The following CDH4 variants were observed in gnomAD, a reference collection of about 807,000 sequenced individuals.
CDH4 encodes cadherin 4, also known as cadherin-4.
CDH4 carries 33 observed loss-of-function variants against 86.0 expected under a neutral mutation model. The observed-to-expected ratio is 0.38, with a 90% CI of 0.29 to 0.51. CDH4 has a LOEUF of 0.51. Among genes scored for constraint, CDH4 ranks in the 20% least tolerant of loss-of-function variants. The pLI is 0.86. For synonymous variants in CDH4, 555 were observed against 549.4 expected (o/e 1.01, Z -0.14); for missense variants, 1,114 against 1,307.4 (o/e 0.85, Z 2.28).
chr20:61,700,609 G>A (rs374961995), intron 2 of CDH4, among the ~76,000 whole-genome samples: 7 of 152,152 alleles, frequency 4.6e-5, no homozygotes, highest in East Asian at 3.9e-4. Context: ...ATGTCACCCC[G>A]TACGGCCTCA....
At chr20:61,614,695 GAAA>G (rs1024354488) in intron 2 of CDH4, among the ~76,000 whole-genome samples, 7 of 152,094 alleles carry the variant, frequency 4.6e-5, no homozygotes, top group African/African-American at 1.7e-4. Context: ...GAGAATGTAA[GAAA>G]AAAGCAAGGG....
chr20:61,629,922 C>T (rs759684486), intron 2 of CDH4, among the ~76,000 whole-genome samples: 5 of 152,196 alleles, frequency 3.3e-5, no homozygotes, highest in African/African-American at 4.8e-5. Flanking sequence ...TCCCCTGTGA[C>T]TCAGCGCAAG....
In CDH4 at chr20:61,510,929, A is replaced by G. The variant is rs1484692183; in HGVS notation, c.170-232634A>G. ...GGGGTGGGGACAGACATGTCACAAA[A>G]TGAAAGCAGGAGTGAGAGAGAGAGA... On this transcript the variant is annotated intron_variant, in intron 2 of 15. Coordinates refer to ENST00000614565, the MANE Select transcript of CDH4 (RefSeq NM_001794.5). The surrounding 1 kb of genome is among the most constrained non-coding windows in gnomAD (Gnocchi z 4.2). Among the ~76,000 whole-genome samples, 1 of 151,988 alleles carries G rather than the reference A, an allele frequency of 6.6e-6. No individual in the cohort carries two copies. Among genetic ancestry groups the G allele is most frequent in the Non-Finnish European group, 1.5e-5 (1 of 67,986 alleles).
At position 61,676,839 on chromosome 20, in the gene CDH4, TCAGGGGAGGCCTGGCTGGGTGGCCTTTGC is replaced by T. The variant is rs1260726736; in HGVS notation, c.170-66710_170-66682del. ...GGGGTTGCTGTTGTCCAAGGGGAGG[TCAGGGGAGGCCTGGCTGGGTGGCCTTTGC>T]CAGGGGAGGCCTGACTGGGTGGCCT... On this transcript the variant is annotated intron_variant, in intron 2 of 15. Coordinates refer to ENST00000614565, the MANE Select transcript of CDH4 (RefSeq NM_001794.5). The surrounding 1 kb of genome is among the most constrained non-coding windows in gnomAD (Gnocchi z 4.5). Among the ~76,000 whole-genome samples, 4 of 150,608 alleles carry T rather than the reference TCAGGGGAGGCCTGGCTGGGTGGCCTTTGC, an allele frequency of 2.7e-5. No homozygotes were observed. Among genetic ancestry groups the T allele is most frequent in the Non-Finnish European group, 4.4e-5 (3 of 67,458 alleles).
rs1244882283 is a variant in CDH4, at chr20:61,432,893, C to A, written c.169+177956C>A. ...TTGCTCTGTTGCCCAGGCTAGAGTG[C>A]AATGGTGTGATCTCGGATCACTGCA... On this transcript the variant is annotated intron_variant, in intron 2 of 15. Transcript: ENST00000614565. Among the ~76,000 whole-genome samples the A allele has an allele frequency of 1.5e-4, 21 of 139,566 alleles. No individual in the cohort carries two copies. The Admixed American group carries it at 1.7e-3, about 11-fold the overall frequency. 91.6% of individuals were successfully genotyped at this position (139,566 alleles called of 152,430 possible).
intron 2 of CDH4, among the ~76,000 whole-genome samples, chr20:61,366,944 G>T (rs889129306): frequency 5.3e-5 from 8 of 152,058 alleles, no homozygotes; most frequent in Non-Finnish European, 8.8e-5. Context: ...TCATAGCCCT[G>T]GACAACTGGA....
At chr20:61,289,489 A>G (rs1419728125) in intron 2 of CDH4, among the ~76,000 whole-genome samples, 1 of 152,200 alleles carries the variant, frequency 6.6e-6, no homozygotes, top group African/African-American at 2.4e-5. Context: ...GCCAGCCTGC[A>G]GTGCTGTGGG....
At chr20:61,563,541 C>T (rs1318630737) in intron 2 of CDH4, among the ~76,000 whole-genome samples, 2 of 152,200 alleles carry the variant, frequency 1.3e-5, no homozygotes, top group Non-Finnish European at 2.9e-5. Flanking sequence ...GCTGCTGCTC[C>T]AGGGGCTGCC....
chr20:61,662,903 T>C (rs115749282), intron 2 of CDH4, among the ~76,000 whole-genome samples: 2 of 151,774 alleles, frequency 1.3e-5, no homozygotes, highest in Non-Finnish European at 2.9e-5. Flanking sequence ...GGGACACAGG[T>C]CCAGCAGAGG....
chr20:61,763,462 A>G (rs1365001605), intron 3 of CDH4, among the ~76,000 whole-genome samples: 1 of 152,210 alleles, frequency 6.6e-6, no homozygotes, highest in Non-Finnish European at 1.5e-5. Flanking sequence ...TGGCTACGGC[A>G]CTGCGGAGCC....
intron 4 of CDH4, among the ~76,000 whole-genome samples, chr20:61,804,181 G>A (rs939831405): frequency 6.6e-5 from 10 of 152,258 alleles, no homozygotes; most frequent in Admixed American, 2.0e-4. Flanking sequence ...CGGCCTGAGA[G>A]CCGCCCGAAC....
chr20:61,877,167 C>G (rs1466610078), intron 7 of CDH4, among the ~76,000 whole-genome samples: 1 of 152,158 alleles, frequency 6.6e-6, no homozygotes, highest in Non-Finnish European at 1.5e-5. Context: ...GCTCAGCTCC[C>G]CCTGCCCCTA....
intron 2 of CDH4, among the ~76,000 whole-genome samples, chr20:61,552,070 G>A (rs918822968): frequency 2.0e-5 from 3 of 152,298 alleles, no homozygotes; most frequent in South Asian, 2.1e-4. Flanking sequence ...CCCTGGATTA[G>A]GCAGTGATTT....
intron 2 of CDH4, among the ~76,000 whole-genome samples, chr20:61,378,332 G>A (rs1363145313): frequency 1.3e-5 from 2 of 152,142 alleles, no homozygotes; most frequent in African/African-American, 4.8e-5. Flanking sequence ...GGTTCCTGGG[G>A]CTGCTGTGGT....
At chr20:61,536,764 C>T (rs2086000387) in intron 2 of CDH4, among the ~76,000 whole-genome samples, 1 of 152,202 alleles carries the variant, frequency 6.6e-6, no homozygotes, top group Non-Finnish European at 1.5e-5. Flanking sequence ...GGGAGCAGTG[C>T]CCTGGCATCT....
chr20:61,354,712 G>A (rs2084736873), intron 2 of CDH4, among the ~76,000 whole-genome samples: 1 of 152,210 alleles, frequency 6.6e-6, no homozygotes, highest in Non-Finnish European at 1.5e-5. Context: ...CACATTGCTC[G>A]GCCAAGGTTT....
At chr20:61,801,628 C>G (rs1979834728) in intron 4 of CDH4, among the ~76,000 whole-genome samples, 1 of 152,166 alleles carries the variant, frequency 6.6e-6, no homozygotes, top group African/African-American at 2.4e-5. Context: ...GCCATGCTCC[C>G]ACTGGAGGCC....
In CDH4 at chr20:61,801,144, C is replaced by T. The variant is rs1449736678; in HGVS notation, c.576+27962C>T. 5.9e-5 allele frequency among the ~76,000 whole-genome samples: 9 copies of T among 152,196 alleles called. No homozygotes were observed. The East Asian group carries it at 1.7e-3, about 29-fold the overall frequency. ...CCACAGCACCGGGGCTCCTGCCTCC[C>T]GTTGGGAGGTGTTGAGGGCTTGGGG... is the stretch of plus-strand genomic sequence containing the variant. On this transcript the variant is annotated intron_variant, in intron 4 of 15. Coordinates refer to ENST00000614565, the MANE Select transcript of CDH4 (RefSeq NM_001794.5).
chr20:61,736,616 A>C (rs1052501785), intron 2 of CDH4, among the ~76,000 whole-genome samples: 3 of 149,698 alleles, frequency 2.0e-5, no homozygotes, highest in Non-Finnish European at 4.5e-5. Flanking sequence ...GGAGGAAGGA[A>C]GGAGAGGGAG....
Sources: gnomAD v4.1 joint callset for allele counts (sites outside exome capture counted in the v4.1 genomes callset) on GRCh38, gnomAD v4.1.1 for gene constraint, Gnocchi (gnomAD v3.1) non-coding constraint, MANE v1.5 for transcripts, NCBI Gene and HGNC (gene_info 2026-07-23, HGNC 2026-07-21) for gene names.